Variants in TRHDE observed in about 807,000 individuals in gnomAD.
TRHDE encodes thyrotropin releasing hormone degrading enzyme.
Under a neutral mutation model 125.7 loss-of-function variants are expected in TRHDE, and 72 were observed. The ratio of observed to expected loss-of-function variants is 0.57; its 90% confidence interval spans 0.47 to 0.70. The LOEUF (loss-of-function observed/expected upper bound fraction) is 0.70. TRHDE is among the 30% of genes least tolerant of loss of function. TRHDE has a pLI of 0.00. For missense variants in TRHDE, 1,110 were observed against 1,327.1 expected, an observed-to-expected ratio of 0.84 and a Z score of 2.54; for synonymous variants, 509 against 509.1, an observed-to-expected ratio of 1.00 and a Z score of 0.00.
At chr12:72,092,800 G>C (rs1874823295) in intron 1 of TRHDE, among the ~76,000 whole-genome samples, 1 of 152,148 alleles carries the variant, frequency 6.6e-6, no homozygotes, top group Admixed American at 6.5e-5. Context: ...TGGAAGAAAG[G>C]TACTAAAAAT....
At chr12:72,207,561 C>G (rs1877694538) in intron 2 of TRHDE, among the ~76,000 whole-genome samples, 1 of 152,082 alleles carries the variant, frequency 6.6e-6, no homozygotes, top group Non-Finnish European at 1.5e-5. Flanking sequence ...CAAAAATAAA[C>G]CTCAAAAAAG....
At chr12:72,635,031 T>C (rs1216892887) in intron 15 of TRHDE, among the ~76,000 whole-genome samples, 1 of 152,004 alleles carries the variant, frequency 6.6e-6, no homozygotes, top group Admixed American at 6.5e-5. Flanking sequence ...ATGGGATGGC[T>C]GGATCAAATG....
Position 72,136,206 on chromosome 12 carries a change from C to G in TRHDE, n.279+30454C>G, listed in dbSNP as rs540120608. 2.0e-5 allele frequency among the ~76,000 whole-genome samples: 3 copies of G among 152,194 alleles called. No homozygotes were observed. In the East Asian group the frequency reaches 5.8e-4, roughly 29 times the overall value. ...TATATGAACATCTGCAAAATGGGCT[C>G]TTGATGGTTTTAAAAAACGTGCACT... On this transcript the variant is annotated intron_variant and non_coding_transcript_variant, in intron 2 of 4. Coordinates refer to the TRHDE transcript ENST00000548156.
At chr12:72,435,171 A>C (rs1240492977) in intron 3 of TRHDE, among the ~76,000 whole-genome samples, 3 of 152,210 alleles carry the variant, frequency 2.0e-5, no homozygotes, top group Non-Finnish European at 4.4e-5. Flanking sequence ...AAAGCTCCCA[A>C]TTTGTAAACT....
intron 2 of TRHDE, among the ~76,000 whole-genome samples, chr12:72,291,223 CTACCT>C (rs1460616386): frequency 6.6e-6 from 1 of 152,170 alleles, no homozygotes; most frequent in African/African-American, 2.4e-5. Context: ...AAGATACAAG[CTACCT>C]TACCTCACTT....
chr12:72,456,157 A>T (rs895659050), intron 3 of TRHDE, among the ~76,000 whole-genome samples: 4 of 150,678 alleles, frequency 2.7e-5, no homozygotes, highest in Non-Finnish European at 5.9e-5. Flanking sequence ...ACACACACAC[A>T]CACACACACA....
At chr12:72,465,150 T>G (rs1264148886) in intron 3 of TRHDE, among the ~76,000 whole-genome samples, 1 of 152,182 alleles carries the variant, frequency 6.6e-6, no homozygotes, top group Non-Finnish European at 1.5e-5. Context: ...ATTTAATTCG[T>G]TGTGAATTAA....
intron 2 of TRHDE, among the ~76,000 whole-genome samples, chr12:72,287,575 T>A (rs2139429350): frequency 7.5e-6 from 1 of 132,936 alleles, no homozygotes; most frequent in African/African-American, 3.2e-5. Context: ...TATCTATGTA[T>A]AGACACACAC....
chr12:72,313,530 T>A (rs1592537483), intron 2 of TRHDE, among the ~76,000 whole-genome samples: 1 of 152,236 alleles, frequency 6.6e-6, no homozygotes, highest in South Asian at 2.1e-4. Flanking sequence ...GTTATAATTT[T>A]TATATATATT....
At chr12:72,354,028 T>C (rs1022181425) in intron 2 of TRHDE, among the ~76,000 whole-genome samples, 6 of 151,646 alleles carry the variant, frequency 4.0e-5, no homozygotes, top group Non-Finnish European at 7.4e-5. Flanking sequence ...TGAAGTACCA[T>C]AGGTGTCCTT....
At chr12:72,352,465 A>T (rs1318686) in intron 2 of TRHDE, among the ~76,000 whole-genome samples, 87,442 of 151,522 alleles carry the variant, frequency 0.58, 27,124 homozygotes, top group African/African-American at 0.82. Context: ...TGGCTGTGAT[A>T]CCCACTTCCC....
chr12:72,634,092 A>G (rs1873614423), intron 15 of TRHDE, among the ~76,000 whole-genome samples: 1 of 152,144 alleles, frequency 6.6e-6, no homozygotes. Context: ...TGTGCTAAGC[A>G]CTGGACAGAC....
intron 7 of TRHDE, among the ~76,000 whole-genome samples, chr12:72,549,461 C>T (rs910314173): frequency 6.6e-6 from 1 of 151,828 alleles, no homozygotes; most frequent in Admixed American, 6.6e-5. Flanking sequence ...GAATCATACT[C>T]AATCTAAAAT....
intron 2 of TRHDE, among the ~76,000 whole-genome samples, chr12:72,200,196 A>G (rs1877527671): frequency 6.6e-6 from 1 of 152,196 alleles, no homozygotes; most frequent in African/African-American, 2.4e-5. Flanking sequence ...TGTCAGTCGC[A>G]ATCCATTAAG....
At chr12:72,104,057 AG>A (rs1875126911) in intron 1 of TRHDE, among the ~76,000 whole-genome samples, 4 of 152,172 alleles carry the variant, frequency 2.6e-5, no homozygotes, top group Non-Finnish European at 5.9e-5. Context: ...GAATTATTCA[AG>A]CTCAGAGATG....
chr12:72,412,515 T>C (rs975495725), intron 3 of TRHDE, among the ~76,000 whole-genome samples: 11 of 152,064 alleles, frequency 7.2e-5, no homozygotes, highest in African/African-American at 2.6e-4. Flanking sequence ...TCTAGTAGAG[T>C]TGAAGATGGG....
chr12:72,376,841 G>A (rs999898111), intron 2 of TRHDE, among the ~76,000 whole-genome samples: 1 of 150,926 alleles, frequency 6.6e-6, no homozygotes, highest in Non-Finnish European at 1.5e-5. Context: ...TTTATTGAAT[G>A]TAAGTGTTCA....
At chr12:72,202,060 C>T (rs113063446) in intron 2 of TRHDE, among the ~76,000 whole-genome samples, 18 of 152,302 alleles carry the variant, frequency 1.2e-4, no homozygotes, top group Admixed American at 3.3e-4. Flanking sequence ...CTGTCTCTTT[C>T]GGCAAGAACC....
chr12:72,260,355 C>CTT (rs34245268), intron 2 of TRHDE, among the ~76,000 whole-genome samples: 28 of 151,590 alleles, frequency 1.8e-4, no homozygotes, highest in African/African-American at 6.3e-4. Context: ...AAAAATGATA[C>CTT]TTTTTTTTGG....
Sources: gnomAD v4.1 joint callset for allele counts (sites outside exome capture counted in the v4.1 genomes callset) on GRCh38, gnomAD v4.1.1 for gene constraint, MANE v1.5 for transcripts, NCBI Gene and HGNC (gene_info 2026-07-23, HGNC 2026-07-21) for gene names.